Variants in GRM8 observed in about 807,000 individuals in gnomAD.
GRM8 encodes the protein glutamate metabotropic receptor 8.
In GRM8, 47 loss-of-function variants were observed where a neutral mutation model predicts 87.2. That is an observed-to-expected ratio of 0.54 (90% CI 0.43 to 0.69). The LOEUF is 0.69. Ranked by LOEUF, GRM8 falls within the 30% of genes least tolerant of loss-of-function variation. The pLI is 0.00. For missense variants in GRM8, 1,019 were observed against 1,139.2 expected, an observed-to-expected ratio of 0.89 and a Z score of 1.52; for synonymous variants, 396 against 404.5, an observed-to-expected ratio of 0.98 and a Z score of 0.25.
intron 2 of GRM8, among the ~76,000 whole-genome samples, chr7:127,227,240 CA>C (rs1256819415): frequency 6.6e-6 from 1 of 152,082 alleles, no homozygotes; most frequent in Non-Finnish European, 1.5e-5. Context: ...AGTCCACCCC[CA>C]AAAAAGTGGC....
At position 126,604,718 on chromosome 7, in the gene GRM8, AT is replaced by A. The variant is rs1798179250; in HGVS notation, c.1494+4643del. 2.6e-5 allele frequency among the ~76,000 whole-genome samples: 4 copies of A among 152,290 alleles called. No individual in the cohort carries two copies. The South Asian group carries it at 8.3e-4, about 32-fold the overall frequency. On this transcript the variant is annotated intron_variant, in intron 8 of 10. Transcript: ENST00000339582. ...TTGAGATCTTTTTCTTGATCACCAT[AT>A]TACAATGCATCTACTATTCATAATA...
chr7:126,524,312 A>T (rs1813496226), intron 9 of GRM8, among the ~76,000 whole-genome samples: 1 of 152,200 alleles, frequency 6.6e-6, no homozygotes. Context: ...TTTTAGCCTA[A>T]CATTGATTGA....
At chr7:127,132,087 T>C (rs923597694) in intron 2 of GRM8, among the ~76,000 whole-genome samples, 2 of 152,240 alleles carry the variant, frequency 1.3e-5, no homozygotes, top group African/African-American at 4.8e-5. Context: ...GTCTTCATTA[T>C]CTATGGCAAG....
At chr7:126,818,404 G>A (rs1034250020) in intron 6 of GRM8, among the ~76,000 whole-genome samples, 3 of 152,144 alleles carry the variant, frequency 2.0e-5, no homozygotes, top group African/African-American at 7.2e-5. Context: ...AAAATCAACT[G>A]TTCTGTTAAA....
At position 126,712,369 on chromosome 7, in the gene GRM8, T is replaced by C. The variant is rs557546177; in HGVS notation, c.1357+57496A>G. On this transcript the variant is annotated intron_variant, in intron 7 of 10. Transcript: ENST00000339582. Reference sequence around the variant, plus strand: ...TAATAATAATATCAAAGATCACTGATCACAGGTCACCATAAGAGATGTAAT... The same window carrying C: ...TAATAATAATATCAAAGATCACTGACCACAGGTCACCATAAGAGATGTAAT... 2.6e-5 allele frequency among the ~76,000 whole-genome samples: 4 copies of C among 152,224 alleles called. No homozygotes were observed. In the East Asian group the frequency reaches 5.8e-4, roughly 22 times the overall value.
intron 6 of GRM8, among the ~76,000 whole-genome samples, chr7:126,863,504 C>T (rs985916025): frequency 5.9e-5 from 9 of 152,138 alleles, no homozygotes; most frequent in African/African-American, 1.7e-4. Flanking sequence ...GATAAAGTAA[C>T]TTAACCAAGT....
intron 5 of GRM8, among the ~76,000 whole-genome samples, chr7:126,903,548 C>T (rs1802312624): frequency 7.3e-6 from 1 of 137,850 alleles, no homozygotes; most frequent in African/African-American, 2.7e-5. Flanking sequence ...TATAATGGGT[C>T]CTCTTTCCTA....
At chr7:126,813,473 T>C (rs543972225) in intron 6 of GRM8, among the ~76,000 whole-genome samples, 4 of 152,236 alleles carry the variant, frequency 2.6e-5, no homozygotes, top group African/African-American at 7.2e-5. Context: ...ACTGGAGACA[T>C]GAATAACTTC....
rs1203961944 is a variant in GRM8, at chr7:126,586,171, G to GA, written c.1494+23190dup. Among the ~76,000 whole-genome samples, 76 of 151,468 alleles carry GA rather than the reference G, an allele frequency of 5.0e-4. 1 individual carries two copies. The highest frequency in any genetic ancestry group is 2.1e-4 in the South Asian group (1 of 4,798). On this transcript the variant is annotated intron_variant, in intron 8 of 10. Transcript: ENST00000339582. ...GGAGAACTACAAACCACTGCTCAAC[G>GA]AAAAAAAAGTGGATACAAACAAATG...
intron 7 of GRM8, among the ~76,000 whole-genome samples, chr7:126,746,894 A>G (rs1815761543): frequency 6.6e-6 from 1 of 151,844 alleles, no homozygotes; most frequent in South Asian, 2.1e-4. Flanking sequence ...TCATACTTCT[A>G]TGTAGTTTAT....
chr7:127,182,632 GGTGTGT>G (rs35530710), intron 2 of GRM8, among the ~76,000 whole-genome samples: 8,560 of 141,690 alleles, frequency 0.06, 354 homozygotes, highest in African/African-American at 0.1. Flanking sequence ...AAGAAAGTGT[GGTGTGT>G]GTGTGTGTGT....
chr7:127,116,112 C>A (rs17869985), intron 2 of GRM8, among the ~76,000 whole-genome samples: 1 of 152,058 alleles, frequency 6.6e-6, no homozygotes, highest in Non-Finnish European at 1.5e-5. Context: ...AAAGACACTG[C>A]CACTCAAAAA....
chr7:126,528,750 G>T lies in GRM8; in HGVS notation c.2430+4202C>A, dbSNP rs561785188. Among the ~76,000 whole-genome samples the T allele has an allele frequency of 1.2e-3, 175 of 152,016 alleles. 1 individual carries two copies. Among genetic ancestry groups the T allele is most frequent in the African/African-American group, 4.1e-3 (172 of 41,446 alleles). Reference sequence around the variant, plus strand: ...AACAGGGCTGGGGGTGATGGCAGGGGGTTGCTTTACATTGCTTTGTATTGG... The same window carrying T: ...AACAGGGCTGGGGGTGATGGCAGGGTGTTGCTTTACATTGCTTTGTATTGG... On this transcript the variant is annotated intron_variant, in intron 9 of 10. Coordinates refer to ENST00000339582, the MANE Select transcript of GRM8 (RefSeq NM_000845.3).
intron 3 of GRM8, among the ~76,000 whole-genome samples, chr7:127,008,540 CTGTT>C (rs1814548771): frequency 3.3e-5 from 5 of 152,074 alleles, no homozygotes; most frequent in Admixed American, 3.3e-4. Flanking sequence ...TTATTTCAAA[CTGTT>C]TGTGTTTTAT....
chr7:126,601,721 A>T lies in GRM8; in HGVS notation c.1494+7641T>A, dbSNP rs1182547407. Among the ~76,000 whole-genome samples the T allele has an allele frequency of 6.7e-5, 10 of 149,080 alleles. No individual in the cohort carries two copies. In the East Asian group the frequency reaches 2.0e-3, roughly 30 times the overall value. On this transcript the variant is annotated intron_variant, in intron 8 of 10. Transcript: ENST00000339582. ...TTTTTCATGTGTTTTTTGGCTGCATAAATGTCTTCTTTTGAGAAGTGTCTG... is the reference window on the plus strand; with the variant it reads ...TTTTTCATGTGTTTTTTGGCTGCATTAATGTCTTCTTTTGAGAAGTGTCTG...
At chr7:127,101,780 C>T (rs1415443143) in intron 3 of GRM8, among the ~76,000 whole-genome samples, 1 of 152,084 alleles carries the variant, frequency 6.6e-6, no homozygotes, top group Admixed American at 6.5e-5. Flanking sequence ...TGGGGCATTG[C>T]TATAAAGATA....
chr7:126,772,780 C>G (rs1319625816), intron 6 of GRM8, among the ~76,000 whole-genome samples: 1 of 152,052 alleles, frequency 6.6e-6, no homozygotes, highest in Non-Finnish European at 1.5e-5. Context: ...AAAGCTTCCA[C>G]CATGTCCTTA....
intron 9 of GRM8, among the ~76,000 whole-genome samples, chr7:126,524,377 C>T (rs1351087170): frequency 2.0e-5 from 3 of 152,198 alleles, no homozygotes; most frequent in African/African-American, 7.2e-5. Context: ...TCAAGAAAGA[C>T]TTTGCTCAAT....
intron 3 of GRM8, among the ~76,000 whole-genome samples, chr7:127,007,818 A>G (rs1297124976): frequency 2.0e-5 from 3 of 152,028 alleles, no homozygotes; most frequent in African/African-American, 7.2e-5. Flanking sequence ...AGATGCCCCA[A>G]TCTAGAAGTC....
Sources: gnomAD v4.1 joint callset for allele counts (sites outside exome capture counted in the v4.1 genomes callset) on GRCh38, gnomAD v4.1.1 for gene constraint, MANE v1.5 for transcripts, NCBI Gene and HGNC (gene_info 2026-07-23, HGNC 2026-07-21) for gene names.